The following RGS6 variants were observed in gnomAD, a reference collection of about 807,000 sequenced individuals.
RGS6 encodes regulator of G protein signaling 6, also known as regulator of G-protein signaling 6.
RGS6 carries 30 observed loss-of-function variants against 78.5 expected under a neutral mutation model. The ratio of observed to expected loss-of-function variants is 0.38; its 90% CI spans 0.29 to 0.52. The LOEUF is 0.52. Among genes scored for constraint, RGS6 ranks in the 20% least tolerant of loss-of-function variants. The pLI is 0.85. For synonymous variants in RGS6, 206 were observed against 206.0 expected (o/e 1.00, Z 0.00); for missense variants, 495 against 609.7 (o/e 0.81, Z 1.98).
chr14:72,506,724 A>T (rs1375780425), intron 13 of RGS6, among the ~76,000 whole-genome samples: 1 of 152,210 alleles, frequency 6.6e-6, no homozygotes, highest in Non-Finnish European at 1.5e-5. Context: ...TCGACTAAAA[A>T]TTCATGTCTT....
intron 2 of RGS6, among the ~76,000 whole-genome samples, chr14:72,292,284 C>A (rs2063733814): frequency 6.6e-6 from 1 of 152,216 alleles, no homozygotes; most frequent in Non-Finnish European, 1.5e-5. Flanking sequence ...TCTTCTGGCA[C>A]AGTGGCTGGA....
the RGS6 span, among the ~76,000 whole-genome samples, chr14:72,578,961 GA>G: frequency 6.6e-6 from 1 of 152,148 alleles, no homozygotes; most frequent in Non-Finnish European, 1.5e-5. Flanking sequence ...TGGAGAATGG[GA>G]CCCAAGATGA....
chr14:72,142,892 GCAAA>G (rs1312977652), intron 2 of RGS6, among the ~76,000 whole-genome samples: 2 of 152,134 alleles, frequency 1.3e-5, no homozygotes, highest in Admixed American at 1.3e-4. Context: ...TAAATAAGAG[GCAAA>G]CAGAGTCTCA....
chr14:72,607,761 T>G, the RGS6 span, among the ~76,000 whole-genome samples: 195 of 152,338 alleles, frequency 1.3e-3, 1 homozygote, highest in Middle Eastern at 0.01. Context: ...TTGAAACTGC[T>G]TTGGGTGAAG....
intron 2 of RGS6, among the ~76,000 whole-genome samples, chr14:72,340,218 A>G (rs1337993423): frequency 1.3e-5 from 2 of 152,220 alleles, no homozygotes; most frequent in Non-Finnish European, 2.9e-5. Flanking sequence ...AATTTATCTC[A>G]GTATCCCTCC....
intron 2 of RGS6, among the ~76,000 whole-genome samples, chr14:72,347,590 T>TC: frequency 6.6e-6 from 1 of 152,088 alleles, no homozygotes; most frequent in Non-Finnish European, 1.5e-5. Context: ...TATAATAATC[T>TC]ACCTCCTGTG....
chr14:72,487,085 A>G (rs1214782713), intron 12 of RGS6, among the ~76,000 whole-genome samples: 2 of 151,990 alleles, frequency 1.3e-5, no homozygotes, highest in African/African-American at 2.4e-5. Context: ...CAGGTCACCC[A>G]TGGGAAACTC....
chr14:71,992,484 G>C (rs2095002999), intron 2 of RGS6, among the ~76,000 whole-genome samples: 1 of 152,164 alleles, frequency 6.6e-6, no homozygotes, highest in African/African-American at 2.4e-5. Context: ...ACTTACACCT[G>C]CCCACAGCCC....
At chr14:72,166,788 C>T (rs371571169) in intron 2 of RGS6, among the ~76,000 whole-genome samples, 90 of 152,270 alleles carry the variant, frequency 5.9e-4, no homozygotes, top group East Asian at 2.5e-3. Flanking sequence ...GGGTAATGAT[C>T]AATCGCCAGA....
chr14:72,605,560 C>T, the RGS6 span, among the ~76,000 whole-genome samples: 7 of 152,226 alleles, frequency 4.6e-5, no homozygotes, highest in East Asian at 1.9e-4. Context: ...GTTCAAAACA[C>T]GGGCTGAGGC....
chr14:72,583,356 CT>C, the RGS6 span, among the ~76,000 whole-genome samples: 1 of 152,234 alleles, frequency 6.6e-6, no homozygotes, highest in Non-Finnish European at 1.5e-5. Context: ...TCAATGATAG[CT>C]AGCTAGATAG....
At chr14:72,380,834 G>A (rs1417957983) in intron 3 of RGS6, among the ~76,000 whole-genome samples, 2 of 150,556 alleles carry the variant, frequency 1.3e-5, no homozygotes, top group East Asian at 3.9e-4. Context: ...TATGCAAAGG[G>A]AAGGAAATCA....
At chr14:72,400,726 C>G (rs2092288257) in intron 3 of RGS6, among the ~76,000 whole-genome samples, 1 of 152,234 alleles carries the variant, frequency 6.6e-6, no homozygotes, top group South Asian at 2.1e-4. Context: ...GATAGCCAGA[C>G]TCACTTTTAT....
intron 3 of RGS6, among the ~76,000 whole-genome samples, chr14:72,387,254 A>G (rs1441573063): frequency 6.6e-6 from 1 of 152,208 alleles, no homozygotes; most frequent in Non-Finnish European, 1.5e-5. Flanking sequence ...TCCTTATAAA[A>G]AAAAGGGAGA....
At chr14:72,393,273 T>A (rs2090435137) in intron 3 of RGS6, among the ~76,000 whole-genome samples, 1 of 152,178 alleles carries the variant, frequency 6.6e-6, no homozygotes, top group South Asian at 2.1e-4. Context: ...AGGTGGAATT[T>A]AGAATAAAGG....
chr14:72,050,876 C>A (rs2093190997), intron 2 of RGS6, among the ~76,000 whole-genome samples: 1 of 152,174 alleles, frequency 6.6e-6, no homozygotes, highest in Non-Finnish European at 1.5e-5. Flanking sequence ...TTGGTATATG[C>A]AACAGGTCCT....
At chr14:72,086,965 T>A (rs2095065629) in intron 2 of RGS6, among the ~76,000 whole-genome samples, 3 of 152,206 alleles carry the variant, frequency 2.0e-5, no homozygotes, top group Admixed American at 1.3e-4. Context: ...TTGTCTTGAC[T>A]ATTAAATACT....
intron 2 of RGS6, among the ~76,000 whole-genome samples, chr14:72,193,955 G>T (rs2039379909): frequency 6.6e-6 from 1 of 152,156 alleles, no homozygotes; most frequent in Non-Finnish European, 1.5e-5. Flanking sequence ...GGAGAAATGT[G>T]TGTGAAGAGG....
At chr14:72,035,179 CT>C (rs2091504312) in intron 2 of RGS6, among the ~76,000 whole-genome samples, 1 of 152,086 alleles carries the variant, frequency 6.6e-6, no homozygotes, top group Admixed American at 6.6e-5. Flanking sequence ...GGGGGAACTG[CT>C]ATATTGCTAT....
Sources: allele counts gnomAD v4.1 joint callset (sites outside exome capture counted in the v4.1 genomes callset), GRCh38; gene constraint gnomAD v4.1.1; transcripts MANE v1.5; gene names NCBI Gene and HGNC (gene_info 2026-07-23, HGNC 2026-07-21).